The following ELAPOR1 variants were observed in gnomAD, a reference collection of about 807,000 sequenced individuals.
ELAPOR1 encodes endosome-lysosome associated apoptosis and autophagy regulator 1.
A neutral mutation model predicts 119.7 loss-of-function variants in ELAPOR1; 77 were observed. That is an observed-to-expected ratio of 0.64 (90% confidence interval 0.54 to 0.78). The LOEUF (loss-of-function observed/expected upper bound fraction) is 0.78, where lower values mean the gene tolerates loss of function less well. Among genes scored for constraint, ELAPOR1 ranks in the 30% least tolerant of loss-of-function variants. The pLI is 0.00. For missense variants in ELAPOR1, 1,115 were observed against 1,270.4 expected, an observed-to-expected ratio of 0.88 and a Z score of 1.86; for synonymous variants, 481 against 487.2, an observed-to-expected ratio of 0.99 and a Z score of 0.17.
At chr1:109,189,037 A>G in intron 9 of ELAPOR1, 29 bp from the exon 10 acceptor site, 1 of 1,609,790 alleles carries the variant, frequency 6.2e-7, no homozygotes, top group Admixed American at 1.7e-5. Flanking sequence ...TTCCCACTGA[A>G]TGCATGGATC....
intron 3 of ELAPOR1, among the ~76,000 whole-genome samples, chr1:109,171,500 C>T (rs543746364): frequency 5.9e-5 from 9 of 151,770 alleles, no homozygotes; most frequent in South Asian, 4.2e-4. Flanking sequence ...TGTGGTGAGC[C>T]GAGGCCACGC....
chr1:109,204,484 TC>T lies in ELAPOR1; in HGVS notation c.*1476del, dbSNP rs1654376923. ...AGCAAACCCTGTCAGTGAGGAAAAT[TC>T]CCCATCCTTGAGTGCCCCCGTCCTA... On this transcript the variant is annotated 3_prime_UTR_variant, in exon 22 of 22. Transcript: ENST00000369939. 6.6e-6 allele frequency: 1 copy of T among 152,186 alleles called. No individual in the cohort carries two copies. Among genetic ancestry groups the T allele is most frequent in the African/African-American group, 2.4e-5 (1 of 41,436 alleles). 9.4% of individuals were successfully genotyped at this position (152,186 alleles called of 1,614,324 possible).
intron 1 of ELAPOR1, among the ~76,000 whole-genome samples, chr1:109,158,314 T>TG (rs962827386): frequency 7.9e-5 from 12 of 151,382 alleles, no homozygotes; most frequent in Admixed American, 2.6e-4. Flanking sequence ...GTTTTCTTTT[T>TG]TTTTTTTTTT....
chr1:109,186,813 G>C, intron 8 of ELAPOR1: 1 of 985,590 alleles, frequency 1.0e-6, no homozygotes, highest in Non-Finnish European at 1.2e-6. Context: ...CTCACGCCAA[G>C]GCCTTCTGGG....
At chr1:109,124,711 C>T (rs1431018433) in intron 1 of ELAPOR1, among the ~76,000 whole-genome samples, 1 of 152,172 alleles carries the variant, frequency 6.6e-6, no homozygotes, top group African/African-American at 2.4e-5. Context: ...TTCTCACATC[C>T]TTGGCAATGC....
At chr1:109,137,060 G>A in intron 1 of ELAPOR1, among the ~76,000 whole-genome samples, 1 of 152,170 alleles carries the variant, frequency 6.6e-6, no homozygotes, top group Non-Finnish European at 1.5e-5. Flanking sequence ...GGGTGAAGGG[G>A]ACCAGGCAGG....
intron 3 of ELAPOR1, among the ~76,000 whole-genome samples, chr1:109,169,250 A>G (rs757419216): frequency 1.3e-5 from 2 of 152,082 alleles, no homozygotes; most frequent in African/African-American, 4.8e-5. Context: ...TATTATTATT[A>G]TTATTTTGAT....
At chr1:109,201,656 T>C (rs929069219) in intron 21 of ELAPOR1, among the ~76,000 whole-genome samples, 36 of 152,114 alleles carry the variant, frequency 2.4e-4, no homozygotes, top group African/African-American at 8.2e-4. Context: ...GTGTTTAGAT[T>C]GCTAAGTCTT....
At chr1:109,136,598 A>C (rs535708102) in intron 1 of ELAPOR1, among the ~76,000 whole-genome samples, 3 of 152,344 alleles carry the variant, frequency 2.0e-5, no homozygotes, top group African/African-American at 4.8e-5. Flanking sequence ...CGAACAGGGC[A>C]CATTGAGGAG....
At chr1:109,188,941 A>G (rs932554749) in intron 9 of ELAPOR1, 125 bp from the exon 10 acceptor site, 12 of 1,023,230 alleles carry the variant, frequency 1.2e-5, no homozygotes, top group Admixed American at 7.2e-5. Context: ...TTCCTGCAGC[A>G]GTACTCAGCA....
chr1:109,122,400 G>A (rs900589761), intron 1 of ELAPOR1, among the ~76,000 whole-genome samples: 4 of 149,324 alleles, frequency 2.7e-5, no homozygotes, highest in East Asian at 3.9e-4. Flanking sequence ...GGCTCGTCCC[G>A]GTAATCCCAG....
rs760025537 is a variant in ELAPOR1, at chr1:109,194,403, C to T, written c.1948-18C>T. ...CCCTTCCTGACCAGCTGGCCCGACC[C>T]GTCCCTCTCCCCCTCAGATCCACTC... On this transcript the variant is annotated intron_variant, in intron 14 of 21. Coordinates refer to ENST00000369939, the MANE Select transcript of ELAPOR1 (RefSeq NM_020775.5). The T allele has an allele frequency of 2.6e-5, 42 of 1,610,712 alleles. No homozygotes were observed. In the East Asian group the frequency reaches 4.0e-4, roughly 15 times the overall value.
intron 1 of ELAPOR1, 114 bp downstream of exon 1, chr1:109,114,450 T>C: frequency 1.5e-6 from 2 of 1,299,754 alleles, no homozygotes; most frequent in Admixed American, 2.8e-5. Flanking sequence ...TTAGATTTCT[T>C]TGGGGATGAG....
intron 1 of ELAPOR1, among the ~76,000 whole-genome samples, chr1:109,130,024 T>G (rs1311337013): frequency 1.3e-5 from 2 of 152,170 alleles, no homozygotes; most frequent in Non-Finnish European, 2.9e-5. Flanking sequence ...CAGCAATCCT[T>G]GGCCTTTCTT....
At chr1:109,149,711 G>C (rs1413507568) in intron 1 of ELAPOR1, among the ~76,000 whole-genome samples, 2 of 152,178 alleles carry the variant, frequency 1.3e-5, no homozygotes, top group Non-Finnish European at 2.9e-5. Flanking sequence ...GATCTGGAAT[G>C]GGGACGGGGC....
intron 1 of ELAPOR1, among the ~76,000 whole-genome samples, chr1:109,144,061 A>ATATATATATATATATATTTTTTTTTTT: frequency 1.1e-5 from 1 of 89,018 alleles, no homozygotes; most frequent in African/African-American, 4.8e-5. Context: ...ATATTTATAT[A>ATATATATATATATATATTTTTTTTTTT]TTTTTTTTTT....
At chr1:109,159,710 G>C (rs553670580) in intron 1 of ELAPOR1, among the ~76,000 whole-genome samples, 43 of 152,282 alleles carry the variant, frequency 2.8e-4, no homozygotes, top group Middle Eastern at 3.4e-3. Context: ...ACACCACTGA[G>C]AGTCATTTTC....
chr1:109,183,328 C>CAAAAAA (rs67807553), intron 7 of ELAPOR1, among the ~76,000 whole-genome samples: 1 of 29,442 alleles, frequency 3.4e-5, no homozygotes, highest in African/African-American at 1.3e-4. Flanking sequence ...CTGTCTCTAC[C>CAAAAAA]AAAAAAAAAA....
chr1:109,118,673 C>T (rs144030884), intron 1 of ELAPOR1, among the ~76,000 whole-genome samples: 38 of 151,966 alleles, frequency 2.5e-4, no homozygotes, highest in African/African-American at 8.0e-4. Context: ...TGGTGACGGG[C>T]GGGTCAAGGA....
Sources: allele counts gnomAD v4.1 joint callset (sites outside exome capture counted in the v4.1 genomes callset), GRCh38; gene constraint gnomAD v4.1.1; transcripts MANE v1.5; gene names NCBI Gene and HGNC (gene_info 2026-07-23, HGNC 2026-07-21).